Variants in TCF4 observed in about 807,000 individuals in gnomAD.
TCF4 encodes the protein SL3-3 enhancer factor 2.
In TCF4, 3 loss-of-function variants were observed where a neutral mutation model predicts 82.1. That is an observed-to-expected ratio of 0.04 (90% CI 0.02 to 0.09). The LOEUF (loss-of-function observed/expected upper bound fraction) is 0.09. TCF4 is among the 10% of genes least tolerant of loss of function. The pLI is 1.00. For missense variants in TCF4, 518 were observed against 852.7 expected (o/e 0.61, Z 4.89); for synonymous variants, 276 against 309.6 (o/e 0.89, Z 1.14).
intron 3 of TCF4, among the ~76,000 whole-genome samples, chr18:55,572,724 A>C (rs1190006795): frequency 6.6e-6 from 1 of 152,180 alleles, no homozygotes; most frequent in Non-Finnish European, 1.5e-5. Context: ...CTAAACCATC[A>C]TAATGTTTAC....
chr18:55,322,240 C>CCT (rs372892841), intron 8 of TCF4: 18 of 1,056,046 alleles, frequency 1.7e-5, no homozygotes, highest in East Asian at 1.0e-4. Context: ...ATTGACTCCC[C>CCT]CTCTCTCTCT....
chr18:55,619,346 T>C (rs2097715420), intron 2 of TCF4, among the ~76,000 whole-genome samples: 1 of 152,224 alleles, frequency 6.6e-6, no homozygotes, highest in Admixed American at 6.5e-5. Context: ...TCATATTAGC[T>C]TATTTTCCTT....
intron 15 of TCF4, among the ~76,000 whole-genome samples, chr18:55,234,983 T>C (rs1172344785): frequency 6.6e-6 from 1 of 152,190 alleles, no homozygotes; most frequent in Non-Finnish European, 1.5e-5. Context: ...TACCCATCTG[T>C]CTTCTATCAT....
At chr18:55,514,348 A>G (rs920955483) in intron 3 of TCF4, among the ~76,000 whole-genome samples, 1 of 151,956 alleles carries the variant, frequency 6.6e-6, no homozygotes, top group Non-Finnish European at 1.5e-5. Flanking sequence ...TGTTTGAAAT[A>G]TTATGCATTC....
intron 3 of TCF4, among the ~76,000 whole-genome samples, chr18:55,564,236 A>G (rs1434308081): frequency 6.6e-6 from 1 of 152,260 alleles, no homozygotes; most frequent in Non-Finnish European, 1.5e-5. Flanking sequence ...AACAGTATAC[A>G]GCAGCAGAAG....
intron 3 of TCF4, among the ~76,000 whole-genome samples, chr18:55,471,765 CAAAA>C (rs11338618): frequency 2.3e-5 from 3 of 131,498 alleles, no homozygotes; most frequent in Non-Finnish European, 4.9e-5. Context: ...GACTCTGTCT[CAAAA>C]AAAAAAAAAA....
At chr18:55,492,361 T>C (rs1329741802) in intron 3 of TCF4, 1 of 152,228 alleles carries the variant, frequency 6.6e-6, no homozygotes, top group Non-Finnish European at 1.5e-5. Flanking sequence ...CACAATCATT[T>C]ATATGCATGC....
chr18:55,254,623 G>A lies in TCF4; in HGVS notation c.1224C>T (p.Ser408=). The part of the protein sequence containing the change: ...HVLRNHAVGP[S]TAMPGGHGDM... ...CCCCATGACCACCAGGCATAGCTGT[G>A]GATGGGCCCACTGCATGGTTCCGGA... is the stretch of plus-strand genomic sequence containing the variant. The change falls in exon 15 of 20, where the codon TCC becomes TCT. Residue 408 remains serine, a synonymous_variant. Coordinates refer to ENST00000354452, the MANE Select transcript of TCF4 (RefSeq NM_001083962.2). 6.2e-7 allele frequency: 1 copy of A among 1,613,540 alleles called. No homozygotes were observed. Among genetic ancestry groups the A allele is most frequent in the Non-Finnish European group, 8.5e-7 (1 of 1,179,826 alleles).
chr18:55,486,965 G>A (rs560198104), intron 3 of TCF4, among the ~76,000 whole-genome samples: 23 of 152,046 alleles, frequency 1.5e-4, no homozygotes, highest in Non-Finnish European at 3.1e-4. Flanking sequence ...CTTCAGCAAA[G>A]GTGCCCACTC....
chr18:55,482,335 C>T (rs1033013338), intron 3 of TCF4: 6 of 152,158 alleles, frequency 3.9e-5, no homozygotes, highest in Non-Finnish European at 7.3e-5. Context: ...CAAAAAATAC[C>T]ATGCATGGAT....
chr18:55,340,264 G>C lies in TCF4; in HGVS notation c.549+10095C>G, dbSNP rs187626035. 2.0e-5 allele frequency among the ~76,000 whole-genome samples: 3 copies of C among 152,274 alleles called. No individual in the cohort carries two copies. In the South Asian group the frequency reaches 6.2e-4, roughly 32 times the overall value. ...ATAAGCAGCTCCGGGCATCACAGCCGATGTACCAGTTCAAAAGAGAGAAGA... is the reference window on the plus strand; with the variant it reads ...ATAAGCAGCTCCGGGCATCACAGCCCATGTACCAGTTCAAAAGAGAGAAGA... On this transcript the variant is annotated intron_variant, in intron 8 of 19. Coordinates refer to ENST00000354452, the MANE Select transcript of TCF4 (RefSeq NM_001083962.2).
At chr18:55,377,546 T>C (rs1035023944) in intron 6 of TCF4, among the ~76,000 whole-genome samples, 1 of 152,264 alleles carries the variant, frequency 6.6e-6, no homozygotes, top group Non-Finnish European at 1.5e-5. Flanking sequence ...TACGTTTAAC[T>C]GATACAAATA....
intron 8 of TCF4, among the ~76,000 whole-genome samples, chr18:55,306,294 G>T (rs1309892209): frequency 2.0e-5 from 3 of 152,024 alleles, no homozygotes; most frequent in East Asian, 1.9e-4. Flanking sequence ...GCCTACAGAA[G>T]TAAAAAAAGA....
rs190869344 is a variant in TCF4, at chr18:55,332,741, A to G, written c.549+17618T>C. 2.0e-3 allele frequency among the ~76,000 whole-genome samples: 306 copies of G among 152,358 alleles called. 1 individual carries two copies. The highest frequency in any genetic ancestry group is 1.7e-3 in the Non-Finnish European group (119 of 68,030). On this transcript the variant is annotated intron_variant, in intron 8 of 19. Transcript: ENST00000354452. ...GTGAATTTTTCAACCTCGAACTTTA[A>G]GCTGATTCAGTGCCAAGTGAGTGAA...
At chr18:55,570,159 G>T (rs1294549162) in intron 3 of TCF4, among the ~76,000 whole-genome samples, 1 of 152,122 alleles carries the variant, frequency 6.6e-6, no homozygotes, top group Non-Finnish European at 1.5e-5. Flanking sequence ...GAGAAAGGAT[G>T]GACTTTTCAG....
intron 3 of TCF4, among the ~76,000 whole-genome samples, chr18:55,534,717 C>T (rs1443361593): frequency 1.3e-5 from 2 of 152,200 alleles, no homozygotes; most frequent in South Asian, 4.1e-4. Flanking sequence ...AACCCCTTTT[C>T]AAGACTGTGA....
intron 15 of TCF4, 148 bp from the exon 16 acceptor site, chr18:55,234,831 T>C (rs1212330206): frequency 5.5e-6 from 6 of 1,084,846 alleles, no homozygotes; most frequent in African/African-American, 1.5e-5. Context: ...GGACCGCACA[T>C]GCACCTATAG....
intron 8 of TCF4, among the ~76,000 whole-genome samples, chr18:55,326,017 G>A (rs1316523765): frequency 6.6e-6 from 1 of 152,116 alleles, no homozygotes; most frequent in African/African-American, 2.4e-5. Flanking sequence ...TCCATAACTA[G>A]TACTCTGTGG....
At chr18:55,382,221 A>G (rs2092023218) in intron 6 of TCF4, among the ~76,000 whole-genome samples, 1 of 152,150 alleles carries the variant, frequency 6.6e-6, no homozygotes, top group African/African-American at 2.4e-5. Context: ...TCCATGCATG[A>G]ATTGTCTTCC....
Sources: allele counts gnomAD v4.1 joint callset (sites outside exome capture counted in the v4.1 genomes callset), GRCh38; gene constraint gnomAD v4.1.1; transcripts MANE v1.5; gene names NCBI Gene and HGNC (gene_info 2026-07-23, HGNC 2026-07-21).